SEC11A: variants seen among roughly 807,000 people sequenced by gnomAD.
SEC11A encodes signal peptidase complex catalytic subunit SEC11A.
In SEC11A, 14 loss-of-function variants were observed where a neutral mutation model predicts 25.6. That is an observed-to-expected ratio of 0.55 (90% CI 0.36 to 0.85). SEC11A has a LOEUF of 0.85. Ranked by LOEUF, SEC11A falls within the 40% of genes least tolerant of loss-of-function variation. The pLI, the probability that SEC11A is intolerant of heterozygous loss-of-function variation, is 0.01. For synonymous variants in SEC11A, 83 were observed against 76.4 expected, an observed-to-expected ratio of 1.09 and a Z score of -0.45; for missense variants, 153 against 222.9, an observed-to-expected ratio of 0.69 and a Z score of 2.00.
intron 1 of SEC11A, among the ~76,000 whole-genome samples, chr15:84,699,897 TG>T (rs2141909544): frequency 1.3e-5 from 2 of 152,050 alleles, no homozygotes; most frequent in African/African-American, 4.8e-5. Context: ...AAGCAGCGGA[TG>T]GAACAATTCT....
intron 1 of SEC11A, among the ~76,000 whole-genome samples, chr15:84,712,361 A>T (rs2141930448): frequency 6.6e-6 from 1 of 152,100 alleles, no homozygotes; most frequent in East Asian, 1.9e-4. Flanking sequence ...ACTCTCATTC[A>T]TTGCTGGTGA....
chr15:84,679,723 T>C (rs1011553012), intron 4 of SEC11A, among the ~76,000 whole-genome samples: 2 of 152,212 alleles, frequency 1.3e-5, no homozygotes, highest in Non-Finnish European at 2.9e-5. Flanking sequence ...AGTATAATCT[T>C]AGATACATAA....
At chr15:84,705,642 G>A (rs1476953293) in intron 1 of SEC11A, among the ~76,000 whole-genome samples, 1 of 151,858 alleles carries the variant, frequency 6.6e-6, no homozygotes, top group Non-Finnish European at 1.5e-5. Flanking sequence ...ATTACCTGAG[G>A]TCATGAGTTC....
chr15:84,679,322 C>T, intron 4 of SEC11A: 1 of 1,012,740 alleles, frequency 9.9e-7, no homozygotes, highest in Non-Finnish European at 1.4e-6. Flanking sequence ...TTAGCTCCAT[C>T]AAAGGAAAAG....
At chr15:84,682,397 T>G (rs1379448858) in intron 3 of SEC11A, among the ~76,000 whole-genome samples, 2 of 152,128 alleles carry the variant, frequency 1.3e-5, no homozygotes, top group Non-Finnish European at 2.9e-5. Context: ...AAGAAATACC[T>G]CAATTCTTCA....
At chr15:84,676,138 G>T (rs955781468) in intron 4 of SEC11A, among the ~76,000 whole-genome samples, 6 of 152,096 alleles carry the variant, frequency 3.9e-5, no homozygotes, top group African/African-American at 1.4e-4. Context: ...CTTTAAGATG[G>T]TGAATTTTAT....
At chr15:84,683,619 C>T (rs1002305429) in intron 3 of SEC11A, among the ~76,000 whole-genome samples, 6 of 151,662 alleles carry the variant, frequency 4.0e-5, no homozygotes, top group African/African-American at 1.5e-4. Flanking sequence ...TGCAATGACG[C>T]GATCTTGGCT....
At chr15:84,709,555 G>C (rs996421055) in intron 1 of SEC11A, among the ~76,000 whole-genome samples, 1 of 151,936 alleles carries the variant, frequency 6.6e-6, no homozygotes, top group Non-Finnish European at 1.5e-5. Flanking sequence ...CGATTCTTCT[G>C]CCTCAGCCTC....
At chr15:84,704,538 C>T (rs975076935) in intron 1 of SEC11A, among the ~76,000 whole-genome samples, 1 of 152,124 alleles carries the variant, frequency 6.6e-6, no homozygotes, top group Non-Finnish European at 1.5e-5. Flanking sequence ...ATTGAAAGAC[C>T]ACTGCAAAGC....
intron 1 of SEC11A, among the ~76,000 whole-genome samples, chr15:84,703,340 A>G (rs920483491): frequency 3.3e-5 from 5 of 152,202 alleles, no homozygotes; most frequent in African/African-American, 9.7e-5. Context: ...AGTGGTATAC[A>G]GAAGACTGGG....
chr15:84,682,069 T>C (rs1897295234), intron 3 of SEC11A, among the ~76,000 whole-genome samples: 1 of 151,794 alleles, frequency 6.6e-6, no homozygotes, highest in South Asian at 2.1e-4. Context: ...GAATAACAAA[T>C]AATAATAACA....
intron 1 of SEC11A, among the ~76,000 whole-genome samples, chr15:84,701,065 A>G (rs1897925317): frequency 6.6e-6 from 1 of 151,474 alleles, no homozygotes; most frequent in African/African-American, 2.4e-5. Context: ...AATAAACAGC[A>G]GACAGGTGAA....
chr15:84,689,097 C>T (rs889661674), intron 2 of SEC11A, among the ~76,000 whole-genome samples: 4 of 150,562 alleles, frequency 2.7e-5, no homozygotes, highest in Admixed American at 1.3e-4. Context: ...GGGCCAGGCA[C>T]GATGGTTCAA....
chr15:84,698,880 C>T (rs1897841163), intron 1 of SEC11A, among the ~76,000 whole-genome samples: 1 of 152,008 alleles, frequency 6.6e-6, no homozygotes, highest in Non-Finnish European at 1.5e-5. Flanking sequence ...AAAAAAAGTC[C>T]AAAATACTTC....
intron 1 of SEC11A, among the ~76,000 whole-genome samples, chr15:84,693,240 C>T (rs1897661696): frequency 6.6e-6 from 1 of 151,958 alleles, no homozygotes; most frequent in African/African-American, 2.4e-5. Context: ...TTAAAAAGTA[C>T]TAAAGAGATA....
intron 1 of SEC11A, among the ~76,000 whole-genome samples, chr15:84,693,523 T>C (rs1012573562): frequency 6.6e-6 from 1 of 150,858 alleles, no homozygotes; most frequent in African/African-American, 2.4e-5. Flanking sequence ...AGTGACATGA[T>C]CTCAGCTCAC....
intron 1 of SEC11A, among the ~76,000 whole-genome samples, chr15:84,713,916 A>C (rs1377379707): frequency 1.3e-5 from 2 of 152,016 alleles, no homozygotes; most frequent in African/African-American, 4.8e-5. Context: ...AACCTCTCAA[A>C]ATTTTCCTAC....
intron 4 of SEC11A, among the ~76,000 whole-genome samples, chr15:84,675,653 C>A (rs1897114374): frequency 6.6e-6 from 1 of 152,200 alleles, no homozygotes; most frequent in Non-Finnish European, 1.5e-5. Flanking sequence ...ATTCTTCTTT[C>A]CATTTTCAAC....
At chr15:84,709,939 C>T (rs963198909) in intron 1 of SEC11A, among the ~76,000 whole-genome samples, 1 of 152,048 alleles carries the variant, frequency 6.6e-6, no homozygotes, top group African/African-American at 2.4e-5. Flanking sequence ...AATGGGGTTT[C>T]GCTATGTTGC....
Sources: gnomAD v4.1 joint callset for allele counts (sites outside exome capture counted in the v4.1 genomes callset) on GRCh38, gnomAD v4.1.1 for gene constraint, MANE v1.5 for transcripts, NCBI Gene and HGNC (gene_info 2026-07-23, HGNC 2026-07-21) for gene names.